Variants in DNM2 observed in about 807,000 individuals in gnomAD.
DNM2 encodes dynamin-2.
Under a neutral mutation model 99.0 loss-of-function variants are expected in DNM2, and 15 were observed. The ratio of observed to expected loss-of-function variants is 0.15; its 90% CI spans 0.10 to 0.23. The LOEUF (loss-of-function observed/expected upper bound fraction) is 0.23, where lower values mean the gene tolerates loss of function less well. Among genes scored for constraint, DNM2 ranks in the 10% least tolerant of loss-of-function variants. The probability of loss-of-function intolerance (pLI) is 1.00; values close to 1 mark genes in which losing one functional copy is unlikely to be tolerated. For missense variants in DNM2, 742 were observed against 1,189.4 expected (o/e 0.62, Z 5.53); for synonymous variants, 525 against 481.2 (o/e 1.09, Z -1.19).
chr19:10,748,950 TC>T (rs1326518820), intron 1 of DNM2, among the ~76,000 whole-genome samples: 1 of 152,194 alleles, frequency 6.6e-6, no homozygotes, highest in Admixed American at 6.5e-5. Flanking sequence ...CGAAGCCTCT[TC>T]CTGTGGCCAG....
chr19:10,797,655 C>T, intron 10 of DNM2, 137 bp downstream of exon 10: 2 of 1,361,294 alleles, frequency 1.5e-6, no homozygotes, highest in African/African-American at 1.4e-5. Context: ...GAGATGTCGC[C>T]ACCTTGCATT....
intron 7 of DNM2, among the ~76,000 whole-genome samples, chr19:10,789,020 G>A (rs2071659561): frequency 6.6e-6 from 1 of 152,180 alleles, no homozygotes. Context: ...AGCAGATAGT[G>A]GCCCTTTGCA....
At chr19:10,751,361 A>T (rs1434452096) in intron 1 of DNM2, among the ~76,000 whole-genome samples, 1 of 152,050 alleles carries the variant, frequency 6.6e-6, no homozygotes, top group Non-Finnish European at 1.5e-5. Context: ...GGGAGAGGAG[A>T]GGAGTAGGTA....
At chr19:10,759,933 T>G in intron 2 of DNM2, 122 bp downstream of exon 2, 512 of 1,187,890 alleles carry the variant, frequency 4.3e-4, no homozygotes, top group Non-Finnish European at 5.7e-4. Flanking sequence ...AATTCACGTG[T>G]TCCACATGTG....
rs201321842 is a variant in DNM2 at position 10,825,262 on chromosome 19, C to T, written c.2058+41C>T. On this transcript the variant is annotated intron_variant, in intron 18 of 20. Coordinates refer to ENST00000389253, the MANE Select transcript of DNM2 (RefSeq NM_001005361.3). ...AAAATGAGAAGGAGGTAGCTGGGTGCGGTGGCTCACGCCTGTAATCCCAGC... is the reference window on the plus strand; with the variant it reads ...AAAATGAGAAGGAGGTAGCTGGGTGTGGTGGCTCACGCCTGTAATCCCAGC... The T allele has an allele frequency of 2.0e-5, 32 of 1,608,794 alleles. No homozygotes were observed. The East Asian group carries it at 5.1e-4, about 26-fold the overall frequency.
At chr19:10,759,931 T>C in intron 2 of DNM2, 120 bp downstream of exon 2, 2 of 1,354,280 alleles carry the variant, frequency 1.5e-6, no homozygotes, top group Non-Finnish European at 1.1e-6. Flanking sequence ...TGAATTCACG[T>C]GTTCCACATG....
intron 1 of DNM2, among the ~76,000 whole-genome samples, chr19:10,736,572 A>G (rs1322223130): frequency 1.3e-5 from 2 of 152,176 alleles, no homozygotes; most frequent in Non-Finnish European, 2.9e-5. Flanking sequence ...ATCATTGTGT[A>G]TTAGTACGTG....
Position 10,820,825 on chromosome 19 carries a change from G to GC in DNM2, c.1781+737dup, listed in dbSNP as rs1482964317. Among the ~76,000 whole-genome samples the GC allele has an allele frequency of 1.3e-5, 2 of 152,196 alleles. No individual in the cohort carries two copies. Among genetic ancestry groups the GC allele is most frequent in the Non-Finnish European group, 2.9e-5 (2 of 68,024 alleles). On this transcript the variant is annotated intron_variant, in intron 16 of 20. Transcript: ENST00000389253. The surrounding 1 kb of genome is among the most constrained non-coding windows in gnomAD (Gnocchi z 4.3). ...TATTTCAAGGAACGAAACCAGATGA[G>GC]CTCCCAGGAGAGTGAAGCTGGAGAA...
intron 1 of DNM2, chr19:10,755,039 A>G (rs1250705010): frequency 6.6e-6 from 1 of 152,264 alleles, no homozygotes; most frequent in Non-Finnish European, 1.5e-5. Context: ...TCCAGAGACT[A>G]GCTTTGCCGG....
chr19:10,765,274 ACT>A lies in DNM2; in HGVS notation c.235+5470_235+5471del, dbSNP rs1333636450. Reference sequence around the variant, plus strand: ...CGCCCGGCCTGTTTTTTCTTAATGGACTCTCTCTGCGCCAGCACACGAGAACA... The same window carrying A: ...CGCCCGGCCTGTTTTTTCTTAATGGACTCTCTGCGCCAGCACACGAGAACA... On this transcript the variant is annotated intron_variant, in intron 2 of 20. Coordinates refer to ENST00000389253, the MANE Select transcript of DNM2 (RefSeq NM_001005361.3). This position sits in a 1 kb window ranked among gnomAD's most constrained non-coding sequence, Gnocchi z 4.4. Among the ~76,000 whole-genome samples, 1 of 150,618 alleles carries A rather than the reference ACT, an allele frequency of 6.6e-6. No individual in the cohort carries two copies. The highest frequency in any genetic ancestry group is 1.5e-5 in the Non-Finnish European group (1 of 67,664).
Position 10,831,168 on chromosome 19 carries a change from TCTTC to T in DNM2, c.*125_*128del. On this transcript the variant is annotated 3_prime_UTR_variant, in exon 21 of 21. Transcript: ENST00000389253. This position sits in a 1 kb window ranked among gnomAD's most constrained non-coding sequence, Gnocchi z 4.3. ...AGGCTCCCAGTGGGCAGCCCTGGCC[TCTTC>T]CTTAACGCTGGCCCCGGTCCAGGGC... 2 of 1,435,992 alleles carry T rather than the reference TCTTC, an allele frequency of 1.4e-6. No individual in the cohort carries two copies. The highest frequency in any genetic ancestry group is 1.8e-6 in the Non-Finnish European group (2 of 1,097,116). 89.0% of individuals were successfully genotyped at this position (1,435,992 alleles called of 1,614,324 possible).
chr19:10,736,566 T>C (rs1213696793), intron 1 of DNM2, among the ~76,000 whole-genome samples: 3 of 152,216 alleles, frequency 2.0e-5, no homozygotes, highest in African/African-American at 7.2e-5. Flanking sequence ...GAAAAGATCA[T>C]TGTGTATTAG....
intron 15 of DNM2, among the ~76,000 whole-genome samples, chr19:10,815,409 T>C (rs1395749200): frequency 2.6e-5 from 4 of 152,212 alleles, no homozygotes; most frequent in Non-Finnish European, 5.9e-5. Context: ...GTGTCAACCC[T>C]TCGTGTCTCG....
At chr19:10,740,754 G>GC (rs1226521501) in intron 1 of DNM2, among the ~76,000 whole-genome samples, 2 of 152,110 alleles carry the variant, frequency 1.3e-5, no homozygotes, top group Non-Finnish European at 2.9e-5. Flanking sequence ...GCATCCATAA[G>GC]TTTTGATATG....
intron 1 of DNM2, among the ~76,000 whole-genome samples, chr19:10,739,177 A>G (rs780122651): frequency 1.1e-4 from 16 of 152,228 alleles, no homozygotes; most frequent in African/African-American, 2.2e-4. Flanking sequence ...CGTCTCAAAA[A>G]TAAATAAATA....
At chr19:10,787,082 C>G (rs2071584923) in intron 7 of DNM2, among the ~76,000 whole-genome samples, 1 of 147,938 alleles carries the variant, frequency 6.8e-6, no homozygotes, top group Non-Finnish European at 1.5e-5. Context: ...GTCTGTAATC[C>G]CAGCACTTTG....
chr19:10,758,798 C>T (rs989837894), intron 1 of DNM2, among the ~76,000 whole-genome samples: 16 of 152,072 alleles, frequency 1.1e-4, no homozygotes, highest in East Asian at 3.9e-4. Context: ...CCGCCCACCT[C>T]GGCCTCCCCA....
rs1353252279 is a variant in DNM2, at chr19:10,793,868, G to GA, written c.1128+13_1128+14insA. On this transcript the variant is annotated intron_variant, in intron 8 of 20. Coordinates refer to ENST00000389253, the MANE Select transcript of DNM2 (RefSeq NM_001005361.3). ...TGAGCTGGTGAAGGTAGTGCCCCCCGGGGCTGGGCCCTCCCGTCTCTGGTC... is the reference window on the plus strand; with the variant it reads ...TGAGCTGGTGAAGGTAGTGCCCCCCGAGGGCTGGGCCCTCCCGTCTCTGGTC... The GA allele has an allele frequency of 6.2e-7, 1 of 1,614,060 alleles. No homozygotes were observed. The highest frequency in any genetic ancestry group is 1.7e-5 in the Admixed American group (1 of 59,996).
chr19:10,756,133 G>A (rs928654626), intron 1 of DNM2, among the ~76,000 whole-genome samples: 4 of 152,112 alleles, frequency 2.6e-5, no homozygotes, highest in African/African-American at 7.2e-5. Flanking sequence ...CTACTGTGAC[G>A]GAAAGACAAG....
Sources: gnomAD v4.1 joint callset for allele counts (sites outside exome capture counted in the v4.1 genomes callset) on GRCh38, gnomAD v4.1.1 for gene constraint, Gnocchi (gnomAD v3.1) non-coding constraint, MANE v1.5 for transcripts, NCBI Gene and HGNC (gene_info 2026-07-23, HGNC 2026-07-21) for gene names.